DMD: variants seen among roughly 807,000 people sequenced by gnomAD.
The protein encoded by DMD is dystrophin, also known as mutant dystrophin.
A neutral mutation model predicts 330.1 loss-of-function variants in DMD; 63 were observed. The ratio of observed to expected loss-of-function variants is 0.19; its 90% confidence interval spans 0.16 to 0.24. The LOEUF is 0.24. DMD is among the 10% of genes least tolerant of loss of function. DMD has a pLI of 1.00. For synonymous variants in DMD, 1,223 were observed against 959.8 expected, an observed-to-expected ratio of 1.27 and a Z score of -5.07; for missense variants, 3,344 against 2,684.1, an observed-to-expected ratio of 1.25 and a Z score of -5.43.
intron 29 of DMD, among the ~76,000 whole-genome samples, chrX:32,431,199 C>T (rs1215202230): frequency 1.8e-5 from 2 of 110,773 alleles, no homozygotes; most frequent in Non-Finnish European, 3.8e-5. Flanking sequence ...TACAAGGGGC[C>T]CTTTTCTCCA....
At chrX:32,389,448 C>T (rs2097985179) in intron 32 of DMD, 53 bp downstream of exon 32, 1 of 1,137,247 alleles carries the variant, frequency 8.8e-7, no homozygotes, top group East Asian at 3.0e-5. Context: ...GCAGTTACTT[C>T]TTAATGAGGA....
intron 8 of DMD, 142 bp from the exon 9 acceptor site, chrX:32,698,140 A>G: frequency 7.6e-6 from 5 of 654,147 alleles, no homozygotes; most frequent in Non-Finnish European, 9.1e-6. Flanking sequence ...AAACATATAT[A>G]AATGATATTC....
At chrX:32,587,271 G>C (rs2054397079) in intron 13 of DMD, among the ~76,000 whole-genome samples, 2 of 111,216 alleles carry the variant, frequency 1.8e-5, no homozygotes, top group South Asian at 3.8e-4. Context: ...TTGTAACTGA[G>C]ATATAGCACA....
chrX:31,244,737 G>A (rs2048670893), intron 63 of DMD, among the ~76,000 whole-genome samples: 1 of 111,707 alleles, frequency 9.0e-6, no homozygotes, highest in Non-Finnish European at 1.9e-5. Context: ...AAGAAGACCG[G>A]AAGCAATCTT....
chrX:32,864,216 G>A (rs1479910363), intron 2 of DMD, among the ~76,000 whole-genome samples: 1 of 111,999 alleles, frequency 8.9e-6, no homozygotes, highest in Non-Finnish European at 1.9e-5. Context: ...TACTTTTTGT[G>A]GGTTGTTTTA....
At chrX:31,255,363 T>A (rs2049830320) in intron 63 of DMD, among the ~76,000 whole-genome samples, 2 of 111,776 alleles carry the variant, frequency 1.8e-5, no homozygotes, top group South Asian at 7.5e-4. Context: ...GTCTTTCCAT[T>A]ACATTTGTAA....
At chrX:32,405,450 C>T (rs1393777901) in intron 30 of DMD, among the ~76,000 whole-genome samples, 1 of 110,123 alleles carries the variant, frequency 9.1e-6, no homozygotes, top group Non-Finnish European at 1.9e-5. Flanking sequence ...TGGAAATAAT[C>T]CTAGTTTCTG....
At chrX:31,346,868 G>A (rs1270631016) in intron 61 of DMD, among the ~76,000 whole-genome samples, 2 of 106,953 alleles carry the variant, frequency 1.9e-5, no homozygotes, top group African/African-American at 6.8e-5. Context: ...GGGCCTGGTG[G>A]TGTACACCTG....
chrX:31,932,348 C>T (rs1420387053), intron 45 of DMD, 121 bp from the exon 46 acceptor site: 1 of 518,280 alleles, frequency 1.9e-6, no homozygotes, highest in African/African-American at 2.4e-5. Context: ...AGATGTTAAC[C>T]ATACATAATT....
At chrX:33,199,006 G>A (rs1392125375) in intron 1 of DMD, among the ~76,000 whole-genome samples, 1 of 110,828 alleles carries the variant, frequency 9.0e-6, no homozygotes. Flanking sequence ...CAGTAAGGGG[G>A]CGAGGCAAAG....
chrX:33,188,601 A>G (rs941276320), intron 1 of DMD, among the ~76,000 whole-genome samples: 1 of 111,101 alleles, frequency 9.0e-6, no homozygotes, highest in African/African-American at 3.3e-5. Flanking sequence ...CAAAGCCCCA[A>G]GTTATTTTCC....
chrX:32,297,140 T>A (rs1273112367), intron 42 of DMD, among the ~76,000 whole-genome samples: 1 of 111,626 alleles, frequency 9.0e-6, no homozygotes, highest in Non-Finnish European at 1.9e-5. Flanking sequence ...TACTATCTTC[T>A]AGGTTTCTCT....
intron 29 of DMD, among the ~76,000 whole-genome samples, chrX:32,422,897 G>C (rs2098196143): frequency 9.0e-6 from 1 of 111,346 alleles, no homozygotes; most frequent in Non-Finnish European, 1.9e-5. Context: ...AAAGTTGAGA[G>C]TGGTAAAACG....
chrX:33,101,073 A>G (rs2095233146), intron 1 of DMD, among the ~76,000 whole-genome samples: 1 of 112,194 alleles, frequency 8.9e-6, no homozygotes, highest in African/African-American at 3.2e-5. Flanking sequence ...AGCATTTGAA[A>G]TTCTTACATT....
At position 32,250,008 on chromosome X, in the gene DMD, G is replaced by A. The variant is rs1020431645; in HGVS notation, c.6291-32945C>T. Among the ~76,000 whole-genome samples the A allele has an allele frequency of 6.3e-5, 7 of 111,430 alleles. No individual in the cohort carries two copies. The East Asian group carries it at 1.4e-3, about 22-fold the overall frequency. ...GTCCCACTTTTTTTGCATCACAAAC[G>A]CCTTGAACCATTAAGTACACAAGTA... is the stretch of plus-strand genomic sequence containing the variant. On this transcript the variant is annotated intron_variant, in intron 43 of 78. Transcript: ENST00000357033.
intron 1 of DMD, among the ~76,000 whole-genome samples, chrX:33,102,316 G>T (rs7053301): frequency 5.6e-4 from 54 of 95,699 alleles, no homozygotes; most frequent in African/African-American, 8.9e-4. Context: ...GGTTTTTTTT[G>T]TTTTTTTTTT....
intron 2 of DMD, among the ~76,000 whole-genome samples, chrX:32,871,309 A>G (rs2082977960): frequency 9.0e-6 from 1 of 110,962 alleles, no homozygotes; most frequent in Admixed American, 9.6e-5. Flanking sequence ...TTAGAATTTG[A>G]TCTTCATGTT....
intron 60 of DMD, among the ~76,000 whole-genome samples, chrX:31,376,280 C>T (rs1044839029): frequency 1.7e-4 from 19 of 112,208 alleles, no homozygotes; most frequent in Admixed American, 2.8e-4. Context: ...TATACTCTGT[C>T]GGTGCCAGGT....
At chrX:32,749,237 CTT>C (rs1362451465) in intron 7 of DMD, among the ~76,000 whole-genome samples, 6 of 112,257 alleles carry the variant, frequency 5.3e-5, no homozygotes, top group African/African-American at 1.9e-4. Flanking sequence ...TGTCCAACAT[CTT>C]GTCACTGACA....
Sources: allele counts gnomAD v4.1 joint callset (sites outside exome capture counted in the v4.1 genomes callset), GRCh38; gene constraint gnomAD v4.1.1; transcripts MANE v1.5; gene names NCBI Gene and HGNC (gene_info 2026-07-23, HGNC 2026-07-21).